The following THSD7B variants were observed in gnomAD, a reference collection of about 807,000 sequenced individuals.
THSD7B encodes thrombospondin type-1 domain-containing protein 7B.
In THSD7B, 138 loss-of-function variants were observed where a neutral mutation model predicts 213.6. The observed-to-expected ratio is 0.65, with a 90% CI of 0.56 to 0.74. The LOEUF (loss-of-function observed/expected upper bound fraction) is 0.74, where lower values mean the gene tolerates loss of function less well. THSD7B is among the 30% of genes least tolerant of loss of function. The pLI, the probability that THSD7B is intolerant of heterozygous loss-of-function variation, is 0.00. For synonymous variants in THSD7B, 742 were observed against 687.0 expected (o/e 1.08, Z -1.25); for missense variants, 1,931 against 1,991.5 (o/e 0.97, Z 0.58).
intron 1 of THSD7B, among the ~76,000 whole-genome samples, chr2:136,787,609 G>T (rs1444074745): frequency 6.6e-6 from 1 of 152,162 alleles, no homozygotes; most frequent in Non-Finnish European, 1.5e-5. Flanking sequence ...TGGAGATTTG[G>T]AGTGGAATAT....
intron 16 of THSD7B, among the ~76,000 whole-genome samples, chr2:137,568,797 A>G (rs1681293064): frequency 6.6e-6 from 1 of 152,158 alleles, no homozygotes; most frequent in South Asian, 2.1e-4. Flanking sequence ...ACACCTGGCG[A>G]TTACAATTCA....
chr2:137,070,562 A>T (rs59686457), intron 3 of THSD7B, among the ~76,000 whole-genome samples: 14,656 of 150,552 alleles, frequency 0.097, 971 homozygotes, highest in African/African-American at 0.19. Flanking sequence ...TTTTTTTTTT[A>T]AATTTTATTA....
intron 2 of THSD7B, among the ~76,000 whole-genome samples, chr2:136,922,174 A>T (rs913532104): frequency 1.3e-5 from 2 of 152,222 alleles, no homozygotes; most frequent in African/African-American, 4.8e-5. Flanking sequence ...CTGAATTCCC[A>T]GTTGGCTGCC....
chr2:137,269,294 T>G, intron 10 of THSD7B, among the ~76,000 whole-genome samples: 1 of 152,234 alleles, frequency 6.6e-6, no homozygotes. Flanking sequence ...TGAAAATCAA[T>G]GCAACTGTTT....
chr2:137,009,399 T>C (rs1329180357), intron 2 of THSD7B, among the ~76,000 whole-genome samples: 1 of 152,174 alleles, frequency 6.6e-6, no homozygotes, highest in Non-Finnish European at 1.5e-5. Flanking sequence ...CATTATAGTA[T>C]GTTTAACAGC....
chr2:136,786,638 A>G (rs1472535711), intron 1 of THSD7B, among the ~76,000 whole-genome samples: 4 of 152,190 alleles, frequency 2.6e-5, no homozygotes, highest in African/African-American at 4.8e-5. Flanking sequence ...CATTTTGTAT[A>G]ATTCAGATTG....
At position 137,192,607 on chromosome 2, in the gene THSD7B, A is replaced by C. The variant is rs140644292; in HGVS notation, c.1723+21669A>C. On this transcript the variant is annotated intron_variant, in intron 7 of 27. Transcript: ENST00000409968. ...TTTTTCCAGAATAATGAGTGTTTCC[A>C]ATTTTCATATGAATAAGGAATAGCA... Among the ~76,000 whole-genome samples, 310 of 152,282 alleles carry C rather than the reference A, an allele frequency of 2.0e-3. 1 individual carries two copies. The highest frequency in any genetic ancestry group is 3.6e-3 in the Non-Finnish European group (247 of 68,012).
At chr2:136,828,895 A>G (rs1371744205) in intron 1 of THSD7B, among the ~76,000 whole-genome samples, 1 of 152,168 alleles carries the variant, frequency 6.6e-6, no homozygotes, top group Non-Finnish European at 1.5e-5. Context: ...CTTCTGCTAA[A>G]CTGTAAGCTT....
chr2:136,834,314 A>C (rs1270105752), intron 1 of THSD7B, among the ~76,000 whole-genome samples: 1 of 152,210 alleles, frequency 6.6e-6, no homozygotes, highest in Admixed American at 6.5e-5. Flanking sequence ...CACAGTGGCT[A>C]TGGTCCTTTG....
chr2:137,285,357 T>A (rs1286006429), intron 12 of THSD7B, among the ~76,000 whole-genome samples: 1 of 152,138 alleles, frequency 6.6e-6, no homozygotes, highest in Non-Finnish European at 1.5e-5. Flanking sequence ...TTTATCCAAT[T>A]TGCCCGTCTG....
intron 15 of THSD7B, among the ~76,000 whole-genome samples, chr2:137,486,585 G>A (rs1031624238): frequency 4.0e-5 from 6 of 148,204 alleles, no homozygotes; most frequent in South Asian, 2.2e-4. Context: ...ACAGATCAAC[G>A]AGACAGAAAG....
At chr2:136,774,106 G>A (rs950041298) in intron 1 of THSD7B, among the ~76,000 whole-genome samples, 10 of 151,912 alleles carry the variant, frequency 6.6e-5, no homozygotes, top group Non-Finnish European at 1.3e-4. Context: ...CTTGTTTCCA[G>A]CCTAATAATC....
intron 6 of THSD7B, among the ~76,000 whole-genome samples, chr2:137,162,636 T>C (rs544441254): frequency 3.2e-4 from 49 of 152,316 alleles, no homozygotes; most frequent in Non-Finnish European, 6.2e-4. Flanking sequence ...TTCTGGGCCA[T>C]GGATTCTCTA....
intron 2 of THSD7B, among the ~76,000 whole-genome samples, chr2:136,890,300 A>ACTCCTCCTCTTCTTCTTCTTCTTCTTCTT (rs1558839719): frequency 1.5e-3 from 1 of 680 alleles, no homozygotes; most frequent in Admixed American, 8.8e-3. Flanking sequence ...TCCATGTCCT[A>ACTCCTCCTCTTCTTCTTCTTCTTCTTCTT]CTCCTTCTTC....
intron 1 of THSD7B, among the ~76,000 whole-genome samples, chr2:136,863,973 G>T (rs1449750585): frequency 3.3e-5 from 5 of 152,166 alleles, no homozygotes; most frequent in Non-Finnish European, 7.4e-5. Flanking sequence ...GTTGATGGTG[G>T]CTCTGTGTTT....
At position 137,061,170 on chromosome 2, in the gene THSD7B, C is replaced by G. The variant is rs186467223; in HGVS notation, c.950+3940C>G. ...TGCATTGCTGGTATAATAAGAAAAC[C>G]GTTAACTTTTTATATTAACCTTGCA... On this transcript the variant is annotated intron_variant, in intron 3 of 27. Transcript: ENST00000409968. Among the ~76,000 whole-genome samples, 4 of 151,264 alleles carry G rather than the reference C, an allele frequency of 2.6e-5. No homozygotes were observed. The South Asian group carries it at 8.3e-4, about 31-fold the overall frequency.
intron 15 of THSD7B, among the ~76,000 whole-genome samples, chr2:137,485,343 A>G (rs1688410191): frequency 6.6e-6 from 1 of 150,994 alleles, no homozygotes; most frequent in Non-Finnish European, 1.5e-5. Context: ...GATATGCGGC[A>G]TTATTTCTGA....
intron 17 of THSD7B, among the ~76,000 whole-genome samples, chr2:137,588,624 T>C (rs962239985): frequency 1.3e-5 from 2 of 151,998 alleles, no homozygotes; most frequent in African/African-American, 2.4e-5. Context: ...CCAGCACACA[T>C]AGATTTTTTT....
intron 12 of THSD7B, among the ~76,000 whole-genome samples, chr2:137,352,372 T>C (rs1685033554): frequency 6.6e-6 from 1 of 151,922 alleles, no homozygotes; most frequent in Admixed American, 6.6e-5. Flanking sequence ...ACATGCCAAG[T>C]TGTGTCTCCT....
Sources: allele counts gnomAD v4.1 joint callset (sites outside exome capture counted in the v4.1 genomes callset), GRCh38; gene constraint gnomAD v4.1.1; transcripts MANE v1.5; gene names NCBI Gene and HGNC (gene_info 2026-07-23, HGNC 2026-07-21).